The following TAFA1 variants were observed in gnomAD, a reference collection of about 807,000 sequenced individuals.
TAFA1 encodes chemokine-like protein TAFA-1.
TAFA1 carries 4 observed loss-of-function variants against 18.5 expected under a neutral mutation model. The ratio of observed to expected loss-of-function variants is 0.22; its 90% CI spans 0.11 to 0.49. The LOEUF is 0.49. Ranked by LOEUF, TAFA1 falls within the 20% of genes least tolerant of loss-of-function variation. The probability of loss-of-function intolerance (pLI) is 0.98; values close to 1 mark genes in which losing one functional copy is unlikely to be tolerated. For missense variants in TAFA1, 147 were observed against 169.0 expected, an observed-to-expected ratio of 0.87 and a Z score of 0.72; for synonymous variants, 56 against 55.2, an observed-to-expected ratio of 1.01 and a Z score of -0.06.
intron 2 of TAFA1, among the ~76,000 whole-genome samples, chr3:68,120,076 A>T (rs896375711): frequency 1.3e-5 from 2 of 152,194 alleles, no homozygotes; most frequent in East Asian, 1.9e-4. Context: ...GCAGTAAAAA[A>T]TACTCAAGTG....
At chr3:68,394,556 C>T (rs1463866744) in intron 2 of TAFA1, among the ~76,000 whole-genome samples, 1 of 152,156 alleles carries the variant, frequency 6.6e-6, no homozygotes, top group Non-Finnish European at 1.5e-5. Context: ...TCAAACCATA[C>T]TGCAAGACTA....
chr3:68,162,546 G>C (rs898758967), intron 2 of TAFA1, among the ~76,000 whole-genome samples: 3 of 152,126 alleles, frequency 2.0e-5, no homozygotes, highest in African/African-American at 7.2e-5. Flanking sequence ...GGACCACTCT[G>C]CTCATTAAGA....
chr3:68,486,328 ATTGTT>A (rs1324878313), intron 3 of TAFA1, among the ~76,000 whole-genome samples: 1 of 151,834 alleles, frequency 6.6e-6, no homozygotes, highest in Non-Finnish European at 1.5e-5. Flanking sequence ...CATATACAGG[ATTGTT>A]TTTGCTTTGC....
chr3:68,116,123 C>T (rs551195921), intron 2 of TAFA1, among the ~76,000 whole-genome samples: 201 of 152,136 alleles, frequency 1.3e-3, no homozygotes, highest in Non-Finnish European at 2.1e-3. Flanking sequence ...GGCATGGTGG[C>T]GGGCCCCTGT....
intron 2 of TAFA1, among the ~76,000 whole-genome samples, chr3:68,025,085 A>T (rs1018655102): frequency 1.3e-5 from 2 of 152,104 alleles, no homozygotes; most frequent in Non-Finnish European, 2.9e-5. Context: ...CCTAGTCCCC[A>T]CACCTATTCC....
chr3:68,171,429 T>C (rs2066051973), intron 2 of TAFA1, among the ~76,000 whole-genome samples: 1 of 152,146 alleles, frequency 6.6e-6, no homozygotes, highest in Non-Finnish European at 1.5e-5. Flanking sequence ...AATAATAAAT[T>C]TGTGTTGTTT....
chr3:68,121,274 TGTGTGTG>T (rs2065395228), intron 2 of TAFA1, among the ~76,000 whole-genome samples: 1 of 151,816 alleles, frequency 6.6e-6, no homozygotes, highest in African/African-American at 2.4e-5. Flanking sequence ...TGTGTGTGTG[TGTGTGTG>T]TGTGTGTGTA....
At chr3:68,319,973 G>A (rs143501560) in intron 2 of TAFA1, among the ~76,000 whole-genome samples, 88 of 152,166 alleles carry the variant, frequency 5.8e-4, no homozygotes, top group South Asian at 8.3e-4. Context: ...CTAAAACAGT[G>A]TTTCTCCTAA....
intron 3 of TAFA1, among the ~76,000 whole-genome samples, chr3:68,527,918 C>G (rs1370305106): frequency 6.6e-6 from 1 of 152,102 alleles, no homozygotes; most frequent in Admixed American, 6.5e-5. Flanking sequence ...ATAAGATTGT[C>G]TGTTCGAAAA....
chr3:68,344,132 A>G (rs2069129157), intron 2 of TAFA1, among the ~76,000 whole-genome samples: 1 of 152,112 alleles, frequency 6.6e-6, no homozygotes. Context: ...CGTGGGCCAC[A>G]AAAGATTTTA....
chr3:68,523,344 T>C (rs2073057139), intron 3 of TAFA1, among the ~76,000 whole-genome samples: 1 of 152,250 alleles, frequency 6.6e-6, no homozygotes, highest in African/African-American at 2.4e-5. Flanking sequence ...ATTTCAATTA[T>C]TAAAAGTACT....
chr3:68,019,300 A>G (rs1392154055), intron 2 of TAFA1, among the ~76,000 whole-genome samples: 1 of 152,182 alleles, frequency 6.6e-6, no homozygotes, highest in Non-Finnish European at 1.5e-5. Context: ...TTCTGGATTA[A>G]CAGTGCCTAA....
rs184832906 is a variant in TAFA1 at position 68,396,089 on chromosome 3, T to A, written c.119-21191T>A. ...GGAAAATGTTTGTAGATTTACTTTA[T>A]ATTTCCTTATTATTTTGTGAGGACT... On this transcript the variant is annotated intron_variant, in intron 2 of 4. Coordinates refer to ENST00000478136, the MANE Select transcript of TAFA1 (RefSeq NM_213609.4). Among the ~76,000 whole-genome samples, 32 of 152,286 alleles carry A rather than the reference T, an allele frequency of 2.1e-4. No individual in the cohort carries two copies. In the East Asian group the frequency reaches 6.0e-3, roughly 28 times the overall value.
intron 3 of TAFA1, among the ~76,000 whole-genome samples, chr3:68,455,278 G>A (rs1335419132): frequency 1.3e-5 from 2 of 151,900 alleles, no homozygotes; most frequent in African/African-American, 2.4e-5. Context: ...AGTTGGAGGA[G>A]GTGGAATGGG....
chr3:68,538,763 A>G lies in TAFA1; in HGVS notation c.267A>G (p.Ile89Met). 2 of 1,613,480 alleles carry G rather than the reference A, an allele frequency of 1.2e-6. No individual in the cohort carries two copies. The highest frequency in any genetic ancestry group is 1.1e-5 in the South Asian group (1 of 91,076). Residue 89 changes from isoleucine (I) to methionine (M), a missense_variant, in exon 4 of 5, where the codon ATA becomes ATG. Transcript: ENST00000478136. ...TTTCCTGTTTCTGCACAGCCTCCAT[A>G]GTGATTGGGAAATGGTGGTGTGAGA... ...RNRPSCVDAS[I>M]VIGKWWCEME...
At chr3:68,049,445 G>A (rs553304633) in intron 2 of TAFA1, among the ~76,000 whole-genome samples, 1 of 152,088 alleles carries the variant, frequency 6.6e-6, no homozygotes, top group African/African-American at 2.4e-5. Flanking sequence ...AATCCCTGAA[G>A]AAAAGAGAGT....
chr3:68,441,078 T>C (rs922126051), intron 3 of TAFA1, among the ~76,000 whole-genome samples: 5 of 152,152 alleles, frequency 3.3e-5, no homozygotes. Flanking sequence ...AGTTGCTGCA[T>C]TTGGCCACCC....
At chr3:68,171,579 G>A (rs2066054425) in intron 2 of TAFA1, among the ~76,000 whole-genome samples, 1 of 152,110 alleles carries the variant, frequency 6.6e-6, no homozygotes, top group Admixed American at 6.5e-5. Context: ...CCATACACAG[G>A]AAAAGAAGCC....
chr3:68,523,268 A>T (rs985413512), intron 3 of TAFA1, among the ~76,000 whole-genome samples: 44 of 152,132 alleles, frequency 2.9e-4, no homozygotes, highest in African/African-American at 1.1e-3. Context: ...TAGTCTTCCT[A>T]TTTTTCCCAG....
Sources: allele counts gnomAD v4.1 joint callset (sites outside exome capture counted in the v4.1 genomes callset), GRCh38; gene constraint gnomAD v4.1.1; transcripts MANE v1.5; gene names NCBI Gene and HGNC (gene_info 2026-07-23, HGNC 2026-07-21).